The following ZNF574 variants were observed in gnomAD, a reference collection of about 807,000 sequenced individuals.
ZNF574 encodes zinc finger protein 574.
In ZNF574, 25 loss-of-function variants were observed where a neutral mutation model predicts 56.6. The observed-to-expected ratio is 0.44, with a 90% CI of 0.32 to 0.62. ZNF574 has a LOEUF of 0.62. Among genes scored for constraint, ZNF574 ranks in the 20% least tolerant of loss-of-function variants. The pLI, the probability that ZNF574 is intolerant of heterozygous loss-of-function variation, is 0.04. For synonymous variants in ZNF574, 543 were observed against 492.1 expected (o/e 1.10, Z -1.37); for missense variants, 1,065 against 1,218.9 (o/e 0.87, Z 1.88).
chr19:42,081,105 C>T lies in ZNF574; in HGVS notation c.2499C>T (p.Ser833=), dbSNP rs375969713. The change falls in exon 2 of 2, where the codon TCC becomes TCT. Residue 833 remains serine, a synonymous_variant. Transcript: ENST00000359044. ...CTGACTGTGGCAAGAGCTACCGCTC[C>T]TTCTCCAACCTCTGGAAGCACCGCA... ...SCPDCGKSYR[S]FSNLWKHRKT... is the part of the protein sequence containing the mutation. The T allele has an allele frequency of 1.2e-6, 2 of 1,614,066 alleles. No homozygotes were observed. The highest frequency in any genetic ancestry group is 1.3e-5 in the African/African-American group (1 of 74,950).
At chr19:42,071,429 C>A (rs1752968035), upstream of ZNF574, among the ~76,000 whole-genome samples, 1 of 152,154 alleles carries the variant, frequency 6.6e-6, no homozygotes, top group South Asian at 2.1e-4. Flanking sequence ...GCATATGTGA[C>A]CGCATGCCTC....
At chr19:42,072,960 C>G (rs1226443434), upstream of ZNF574, among the ~76,000 whole-genome samples, 1 of 152,262 alleles carries the variant, frequency 6.6e-6, no homozygotes, top group Admixed American at 6.5e-5. Context: ...AGCATGGCTT[C>G]CACTTCTCTG....
upstream of ZNF574, among the ~76,000 whole-genome samples, chr19:42,073,523 TAA>T (rs1285796547): frequency 5.8e-5 from 6 of 102,766 alleles, no homozygotes; most frequent in Non-Finnish European, 8.4e-5. Context: ...CCTATCTCTA[TAA>T]AAAAAAAAAA....
chr19:42,080,152 A>G lies in ZNF574; in HGVS notation c.1546A>G (p.Thr516Ala), dbSNP rs771441304. The G allele has an allele frequency of 5.6e-5, 90 of 1,613,938 alleles. No individual in the cohort carries two copies. The highest frequency in any genetic ancestry group is 9.9e-5 in the South Asian group (9 of 91,086). Residue 516 changes from threonine to alanine, a missense_variant, in exon 2 of 2, where the codon ACA becomes GCA. Transcript: ENST00000359044. This position sits in a 1 kb window ranked among gnomAD's most constrained non-coding sequence, Gnocchi z 8.5. Reference sequence around the variant, plus strand: ...GTCTCACGTGCGTAACCACCTGCGCACACACACAGGGGAGCGGCCCTTCCC... The same window carrying G: ...GTCTCACGTGCGTAACCACCTGCGCGCACACACAGGGGAGCGGCCCTTCCC... Reference protein sequence around the residue: ...KKSHVRNHLRTHTGERPFPCP... With the variant: ...KKSHVRNHLRAHTGERPFPCP...
chr19:42,080,856 G>C lies in ZNF574; in HGVS notation c.2250G>C (p.Glu750Asp). 1 of 1,614,106 alleles carries C rather than the reference G, an allele frequency of 6.2e-7. No homozygotes were observed. Among genetic ancestry groups the C allele is most frequent in the Non-Finnish European group, 8.5e-7 (1 of 1,180,038 alleles). Residue 750 changes from glutamate to aspartate, a missense_variant, in exon 2 of 2, where the codon GAG (glutamate) becomes GAC (aspartate). Physicochemically the swap from Glu to Asp is conservative, Grantham distance 45 (BLOSUM62 2). Coordinates refer to ENST00000359044, the MANE Select transcript of ZNF574 (RefSeq NM_022752.6). This position sits in a 1 kb window ranked among gnomAD's most constrained non-coding sequence, Gnocchi z 8.5. ...CSECKKLFST[E>D]TSLQVHRRIH... ...AGTGCAAGAAGCTGTTCAGCACAGA[G>C]ACGTCACTGCAGGTGCACCGGCGCA... is the stretch of plus-strand genomic sequence containing the variant.
intron 1 of ZNF574, 27 bp downstream of exon 1, chr19:42,076,313 C>T (rs908712203): frequency 2.6e-5 from 4 of 152,006 alleles, no homozygotes; most frequent in Non-Finnish European, 5.9e-5. Flanking sequence ...GCGCAGAGGC[C>T]GGCCGGGCTG....
At chr19:42,076,791 T>C (rs1458884118) in intron 1 of ZNF574, among the ~76,000 whole-genome samples, 1 of 151,752 alleles carries the variant, frequency 6.6e-6, no homozygotes, top group African/African-American at 2.4e-5. Flanking sequence ...GTGAAGACAT[T>C]AGGAAATCGA....
At chr19:42,074,540 T>C (rs2076444300), upstream of ZNF574, 1 of 152,168 alleles carries the variant, frequency 6.6e-6, no homozygotes, top group Admixed American at 6.5e-5. Flanking sequence ...TTTTACTCTC[T>C]GCCTCACATG....
At chr19:42,072,790 T>C (rs2076433339), upstream of ZNF574, among the ~76,000 whole-genome samples, 2 of 152,218 alleles carry the variant, frequency 1.3e-5, no homozygotes, top group Admixed American at 6.5e-5. Flanking sequence ...GGTCTTGAAC[T>C]CCTGACATCG....
At position 42,080,386 on chromosome 19, in the gene ZNF574, C is replaced by T. The variant is rs1350012193; in HGVS notation, c.1780C>T (p.Leu594=). 3.7e-6 allele frequency: 6 copies of T among 1,614,256 alleles called. No homozygotes were observed. The highest frequency in any genetic ancestry group is 5.1e-6 in the Non-Finnish European group (6 of 1,180,038). The stretch of plus-strand genomic sequence containing the variant: ...GGTGCGTTTTCACCGTCCTTACCGC[C>T]TGCTCATGCACCGCTACCATCACAC... ...CGVRFHRPYR[L]LMHRYHHTGE... Residue 594 remains leucine, a synonymous_variant, in exon 2 of 2, where the codon CTG becomes TTG. Coordinates refer to ENST00000359044, the MANE Select transcript of ZNF574 (RefSeq NM_022752.6). The surrounding 1 kb of genome is among the most constrained non-coding windows in gnomAD (Gnocchi z 8.5).
upstream of ZNF574, chr19:42,075,319 C>T (rs2076448065): frequency 6.6e-6 from 1 of 152,482 alleles, no homozygotes; most frequent in Non-Finnish European, 1.5e-5. Flanking sequence ...AGAGTCACCC[C>T]GGAAGGAGGT....
At position 42,079,764 on chromosome 19, in the gene ZNF574, C is replaced by T. The variant is rs762869162; in HGVS notation, c.1158C>T (p.His386=). The change falls in exon 2 of 2, where the codon CAC becomes CAT. Residue 386 remains histidine (H), a synonymous_variant. Coordinates refer to ENST00000359044, the MANE Select transcript of ZNF574 (RefSeq NM_022752.6). The surrounding 1 kb of genome is among the most constrained non-coding windows in gnomAD (Gnocchi z 4.3). ...EALLLAHRRA[H]TPNPLHSCPC... ...TCCTCCTGGCCCACCGGCGAGCCCA[C>T]ACCCCGAATCCTCTGCATTCATGTC... is the stretch of plus-strand genomic sequence containing the variant. 1.2e-6 allele frequency: 2 copies of T among 1,614,110 alleles called. No homozygotes were observed. Among genetic ancestry groups the T allele is most frequent in the Non-Finnish European group, 1.7e-6 (2 of 1,180,052 alleles).
chr19:42,079,339 C>T lies in ZNF574; in HGVS notation c.733C>T (p.Gln245Ter). 2 of 1,613,476 alleles carry T rather than the reference C, an allele frequency of 1.2e-6. No homozygotes were observed. The highest frequency in any genetic ancestry group is 1.1e-5 in the South Asian group (1 of 91,086). The change falls in exon 2 of 2, where the codon CAG becomes TAG. Residue 245 changes from glutamine (Q) to a stop codon, truncating the protein, a stop_gained. Coordinates refer to ENST00000359044, the MANE Select transcript of ZNF574 (RefSeq NM_022752.6). LOFTEE classifies it high-confidence loss of function. This position sits in a 1 kb window ranked among gnomAD's most constrained non-coding sequence, Gnocchi z 4.3. ...THFPAPVPES[Q>*]EPALQQEVQA... ...CTTCCCTGCTCCTGTACCCGAGTCTCAGGAGCCTGCCTTACAGCAGGAGGT... is the reference window on the plus strand; with the variant it reads ...CTTCCCTGCTCCTGTACCCGAGTCTTAGGAGCCTGCCTTACAGCAGGAGGT...
chr19:42,074,456 T>TAAATA (rs58694360), upstream of ZNF574, among the ~76,000 whole-genome samples: 9,016 of 145,978 alleles, frequency 0.062, 318 homozygotes, highest in African/African-American at 0.081. Flanking sequence ...CTCTGTCTCA[T>TAAATA]AAATAAAATA....
intron 1 of ZNF574, chr19:42,070,246 CAGGGAGGAGGGCGGGCAGGAGGA>C (rs2076405666): frequency 6.6e-6 from 1 of 150,846 alleles, no homozygotes; most frequent in African/African-American, 2.4e-5. Flanking sequence ...GGGAGGGAGG[CAGGGAGGAGGGCGGGCAGGAGGA>C]AGGGAGGGAG....
At chr19:42,072,755 G>A (rs369952289), upstream of ZNF574, among the ~76,000 whole-genome samples, 1 of 152,012 alleles carries the variant, frequency 6.6e-6, no homozygotes, top group East Asian at 1.9e-4. Context: ...TAGTAGAGAC[G>A]GAGTTTCTCC....
intron 1 of ZNF574, among the ~76,000 whole-genome samples, chr19:42,076,977 T>G (rs1469664006): frequency 2.0e-5 from 3 of 152,042 alleles, no homozygotes; most frequent in African/African-American, 7.3e-5. Context: ...TGTCTGGGTG[T>G]CCCTAGAATG....
chr19:42,076,866 T>C (rs2076459855), intron 1 of ZNF574, among the ~76,000 whole-genome samples: 1 of 152,028 alleles, frequency 6.6e-6, no homozygotes, highest in Non-Finnish European at 1.5e-5. Context: ...GTTAAATTAA[T>C]GTGAAGAGGC....
Position 42,079,193 on chromosome 19 carries a change from C to G in ZNF574, c.587C>G (p.Pro196Arg), listed in dbSNP as rs1289980236. 6.2e-7 allele frequency: 1 copy of G among 1,613,930 alleles called. No individual in the cohort carries two copies. Among genetic ancestry groups the G allele is most frequent in the South Asian group, 1.1e-5 (1 of 91,088 alleles). Reference sequence around the variant, plus strand: ...GAGGGTGGGGAAGGGGCGACTGTCCCATCTGCCGCTGCCACCACCACTGAG... The same window carrying G: ...GAGGGTGGGGAAGGGGCGACTGTCCGATCTGCCGCTGCCACCACCACTGAG... ...AEEGGEGATVPSAAATTTEVV... is the reference protein window; with the variant it reads ...AEEGGEGATVRSAAATTTEVV... The change falls in exon 2 of 2, where the codon CCA becomes CGA. Residue 196 changes from proline to arginine, a missense_variant. Transcript: ENST00000359044. The surrounding 1 kb of genome is among the most constrained non-coding windows in gnomAD (Gnocchi z 4.3).
Sources: allele counts gnomAD v4.1 joint callset (sites outside exome capture counted in the v4.1 genomes callset), GRCh38; gene constraint gnomAD v4.1.1; non-coding constraint Gnocchi (gnomAD v3.1); transcripts MANE v1.5; gene names NCBI Gene and HGNC (gene_info 2026-07-23, HGNC 2026-07-21).